Variants in MAN2A2 observed in about 807,000 individuals in gnomAD.
The protein encoded by MAN2A2 is alpha-mannosidase 2x.
MAN2A2 carries 79 observed loss-of-function variants against 126.8 expected under a neutral mutation model. The observed-to-expected ratio is 0.62, with a 90% CI of 0.52 to 0.75. The LOEUF (loss-of-function observed/expected upper bound fraction) is 0.75, where lower values mean the gene tolerates loss of function less well. Among genes scored for constraint, MAN2A2 ranks in the 30% least tolerant of loss-of-function variants. MAN2A2 has a pLI of 0.00. For synonymous variants in MAN2A2, 671 were observed against 618.7 expected (o/e 1.08, Z -1.25); for missense variants, 1,392 against 1,522.4 (o/e 0.91, Z 1.43).
intron 20 of MAN2A2, 78 bp from the exon 21 acceptor site, chr15:90,918,116 G>A (rs1567134003): frequency 6.6e-6 from 9 of 1,358,298 alleles, no homozygotes; most frequent in African/African-American, 1.4e-5. Flanking sequence ...ACTGACCTGG[G>A]TGTGCTTTTA....
In MAN2A2 at chr15:90,913,449, CTTGGACTCTGCTT is replaced by C. The variant is rs752683644; in HGVS notation, c.2718+47_2718+59del. The C allele has an allele frequency of 1.8e-5, 28 of 1,576,066 alleles. No homozygotes were observed. In the African/African-American group the frequency reaches 3.7e-4, roughly 21 times the overall value. On this transcript the variant is annotated intron_variant, in intron 18 of 22. Transcript: ENST00000559717. ...GTCTCGGAGACCCCACAGAGTAGAA[CTTGGACTCTGCTT>C]TTGCCCCTGTCACAGGCCCTGGGGG... is the stretch of plus-strand genomic sequence containing the variant.
In MAN2A2 at chr15:90,907,321, G is replaced by C. The variant is rs149507675; in HGVS notation, c.1022G>C (p.Ser341Thr). 11 of 1,613,740 alleles carry C rather than the reference G, an allele frequency of 6.8e-6. No individual in the cohort carries two copies. In the African/African-American group the frequency reaches 1.1e-4, roughly 16 times the overall value. ...MWRQTWDSDSSTDIFCHMMPF... is the reference protein window; with the variant it reads ...MWRQTWDSDSTTDIFCHMMPF... ...GTGTCTCCTGCAGACTCGGACTCCA[G>C]CACAGACATCTTCTGTCACATGATG... Residue 341 changes from serine (S) to threonine (T), a missense_variant, in exon 8 of 23, where the codon AGC becomes ACC. Ser to Thr is a moderately conservative substitution (Grantham distance 58). Transcript: ENST00000559717.
At chr15:90,909,073 G>A (rs567570451) in intron 8 of MAN2A2, among the ~76,000 whole-genome samples, 13 of 152,156 alleles carry the variant, frequency 8.5e-5, no homozygotes, top group South Asian at 8.3e-4. Flanking sequence ...AAAATGAGGC[G>A]GGAGTGTCAG....
chr15:90,907,430 T>C lies in MAN2A2; in HGVS notation c.1131T>C (p.Gly377=). 1 of 1,614,074 alleles carries C rather than the reference T, an allele frequency of 6.2e-7. No homozygotes were observed. Among genetic ancestry groups the C allele is most frequent in the Non-Finnish European group, 8.5e-7 (1 of 1,180,034 alleles). ...CCQFDFKRLP[G]GRINCPWKVP... Reference sequence around the variant, plus strand: ...AATTTGATTTCAAACGCCTGCCTGGTGGGCGCATCAACTGCCCTTGGAAGG... The same window carrying C: ...AATTTGATTTCAAACGCCTGCCTGGCGGGCGCATCAACTGCCCTTGGAAGG... The change falls in exon 8 of 23, where the codon GGT becomes GGC. Residue 377 remains glycine, a synonymous_variant. Transcript: ENST00000559717.
intron 2 of MAN2A2, 108 bp from the exon 3 acceptor site, chr15:90,905,143 G>C: frequency 7.9e-7 from 1 of 1,261,756 alleles, no homozygotes; most frequent in Non-Finnish European, 1.1e-6. Context: ...GTCTGGCTTT[G>C]ACTGATGAGG....
At chr15:90,912,438 G>T in intron 15 of MAN2A2, 104 bp from the exon 16 acceptor site, 1 of 1,590,816 alleles carries the variant, frequency 6.3e-7, no homozygotes, top group East Asian at 2.3e-5. Context: ...GACAGCATGG[G>T]GAAGCAGGGC....
In MAN2A2 at chr15:90,918,178, C is replaced by T. The variant is rs376801460; in HGVS notation, c.2995-16C>T. The T allele has an allele frequency of 2.5e-5, 40 of 1,607,034 alleles. No homozygotes were observed. The highest frequency in any genetic ancestry group is 1.0e-4 in the Admixed American group (6 of 59,774). On this transcript the variant is annotated splice_polypyrimidine_tract_variant and intron_variant, in intron 20 of 22. Transcript: ENST00000559717. ...TGGCTTTGGTCCCTCACCAATATCTCGGGTCAATTTTGCAGGTCCAAGATA... is the reference window on the plus strand; with the variant it reads ...TGGCTTTGGTCCCTCACCAATATCTTGGGTCAATTTTGCAGGTCCAAGATA...
chr15:90,919,760 T>G lies in MAN2A2; in HGVS notation c.3426T>G (p.Ile1142Met), dbSNP rs1453610455. 1 of 1,614,194 alleles carries G rather than the reference T, an allele frequency of 6.2e-7. No individual in the cohort carries two copies. Among genetic ancestry groups the G allele is most frequent in the East Asian group, 2.2e-5 (1 of 44,888 alleles). The change falls in exon 23 of 23, where the codon ATT (isoleucine) becomes ATG (methionine). Residue 1142 changes from isoleucine (I) to methionine (M), a missense_variant. Coordinates refer to ENST00000559717, the MANE Select transcript of MAN2A2 (RefSeq NM_006122.4). ...ACGTCTATTTGGAGCCCATGGAGAT[T>G]GCTACCTTTCGCCTCCGCTTGGGTT... Reference protein sequence around the residue: ...STDVYLEPMEIATFRLRLG With the variant: ...STDVYLEPMEMATFRLRLG
At chr15:90,914,165 C>CA (rs2034993842) in intron 19 of MAN2A2, among the ~76,000 whole-genome samples, 1 of 152,192 alleles carries the variant, frequency 6.6e-6, no homozygotes, top group Non-Finnish European at 1.5e-5. Flanking sequence ...CCAGGCTCTA[C>CA]AAAAAGATTT....
chr15:90,916,630 C>T (rs1288552315), intron 20 of MAN2A2: 1 of 1,304,528 alleles, frequency 7.7e-7, no homozygotes, highest in Admixed American at 2.3e-5. Context: ...GGGGCTTGAT[C>T]TTTCACAGCA....
chr15:90,915,973 G>T (rs982020737), intron 19 of MAN2A2, 150 bp from the exon 20 acceptor site: 7 of 770,786 alleles, frequency 9.1e-6, no homozygotes, highest in African/African-American at 7.0e-5. Context: ...CCTCCCAGCC[G>T]TGGGAACCCG....
At chr15:90,911,884 G>A (rs990833976) in intron 14 of MAN2A2, 159 bp from the exon 15 acceptor site, 1 of 684,104 alleles carries the variant, frequency 1.5e-6, no homozygotes, top group Non-Finnish European at 2.6e-6. Flanking sequence ...AAAGTCTGAT[G>A]AGGAAGAAAG....
upstream of MAN2A2, chr15:90,903,002 G>C (rs932356199): frequency 1.3e-5 from 2 of 151,922 alleles, no homozygotes; most frequent in African/African-American, 4.8e-5. Flanking sequence ...GCGCGCGGGA[G>C]GGCTCCGGCT....
chr15:90,915,514 CTT>C (rs1237664057), intron 19 of MAN2A2: 1 of 152,322 alleles, frequency 6.6e-6, no homozygotes, highest in African/African-American at 2.4e-5. Flanking sequence ...CTTGCCATAT[CTT>C]TTTTCCAGGG....
intron 8 of MAN2A2, among the ~76,000 whole-genome samples, chr15:90,908,493 T>C (rs900055285): frequency 2.0e-5 from 3 of 152,322 alleles, no homozygotes; most frequent in African/African-American, 7.2e-5. Context: ...AGAAAAGAAA[T>C]GTTTATATAT....
At position 90,912,276 on chromosome 15, in the gene MAN2A2, C is replaced by G; in HGVS notation, c.2343C>G (p.Leu781=). Residue 781 remains leucine, a synonymous_variant, in exon 15 of 23, where the codon CTC becomes CTG. Coordinates refer to ENST00000559717, the MANE Select transcript of MAN2A2 (RefSeq NM_006122.4). ...QVWFSGLTGL[L]KSIRRVDEEH... is the part of the protein sequence containing the mutation. ...GGTTCTCAGGCCTTACTGGGCTCCTCAAGGTAAAAGGCCAGGGTGGTGGGG... is the reference window on the plus strand; with the variant it reads ...GGTTCTCAGGCCTTACTGGGCTCCTGAAGGTAAAAGGCCAGGGTGGTGGGG... The G allele has an allele frequency of 6.2e-7, 1 of 1,614,156 alleles. No homozygotes were observed. The highest frequency in any genetic ancestry group is 1.1e-5 in the South Asian group (1 of 91,078).
intron 21 of MAN2A2, 39 bp from the exon 22 acceptor site, chr15:90,918,606 G>T (rs1462616691): frequency 1.4e-5 from 20 of 1,403,448 alleles, no homozygotes; most frequent in Non-Finnish European, 1.9e-5. Flanking sequence ...ATCTCTGAAA[G>T]CCCTGCGCCC....
rs4773 is a variant in MAN2A2 at position 90,920,612 on chromosome 15, G to A, written c.*825G>A. 79,582 of 152,088 alleles carry A rather than the reference G, an allele frequency of 0.52. 23,606 individuals are homozygous for A. Among genetic ancestry groups the A allele is most frequent in the East Asian group, 0.96 (4,984 of 5,172 alleles). 9.4% of individuals were successfully genotyped at this position (152,088 alleles called of 1,614,324 possible). A position where few individuals can be genotyped will look rare whatever the true frequency, so the allele number is the denominator to read the frequency against. On this transcript the variant is annotated 3_prime_UTR_variant, in exon 23 of 23. Transcript: ENST00000559717. ...TGCTCTGTATGCTGCTGTCCCCAAG[G>A]GCTCTTTCTTATTATGGCAGGGAGT...
chr15:90,909,954 T>G, intron 9 of MAN2A2, 136 bp from the exon 10 acceptor site: 1 of 752,750 alleles, frequency 1.3e-6, no homozygotes, highest in Non-Finnish European at 2.1e-6. Flanking sequence ...CTACTTCTGT[T>G]AAGTCTAGAA....
Sources: gnomAD v4.1 joint callset for allele counts (sites outside exome capture counted in the v4.1 genomes callset) on GRCh38, gnomAD v4.1.1 for gene constraint, MANE v1.5 for transcripts, NCBI Gene and HGNC (gene_info 2026-07-23, HGNC 2026-07-21) for gene names.